ADARB2: variants seen among roughly 807,000 people sequenced by gnomAD.
ADARB2 encodes inactive double-stranded RNA-specific editase B2.
Under a neutral mutation model 62.2 loss-of-function variants are expected in ADARB2, and 25 were observed. The observed-to-expected ratio is 0.40, with a 90% CI of 0.29 to 0.56. The LOEUF is 0.56. ADARB2 is among the 20% of genes least tolerant of loss of function. ADARB2 has a pLI of 0.43. For synonymous variants in ADARB2, 572 were observed against 500.8 expected (o/e 1.14, Z -1.90); for missense variants, 1,071 against 1,077.4 (o/e 0.99, Z 0.08).
At position 1,461,518 on chromosome 10, in the gene ADARB2, T is replaced by A. The variant is rs77302799; in HGVS notation, c.101-82358A>T. 3.4e-3 allele frequency among the ~76,000 whole-genome samples: 411 copies of A among 119,588 alleles called. 1 individual carries two copies. Among genetic ancestry groups the A allele is most frequent in the African/African-American group, 0.013 (372 of 28,372 alleles). The allele number at this position is 119,588 out of a possible 152,430, so 78.5% of individuals were successfully genotyped here. A position where few individuals can be genotyped will look rare whatever the true frequency, so the allele number is the denominator to read the frequency against. On this transcript the variant is annotated intron_variant, in intron 1 of 9. Transcript: ENST00000381312. ...ATTCTTTCCCTGTGCATATATATTT[T>A]TTTTTTTAAAGAAATTTGCCCTGGT...
At chr10:1,494,788 A>G (rs957181801) in intron 1 of ADARB2, among the ~76,000 whole-genome samples, 2 of 152,198 alleles carry the variant, frequency 1.3e-5, no homozygotes, top group Non-Finnish European at 2.9e-5. Context: ...TTGACCTCCC[A>G]AACGTTTACC....
In ADARB2 at chr10:1,182,047, T is replaced by G. The variant is rs1389295288; in HGVS notation, c.*1146A>C. The stretch of plus-strand genomic sequence containing the variant: ...CACAGAATCCTGCCTCTTACATTTT[T>G]TGACAGCTGAACTTTTTTGGGGTCT... On this transcript the variant is annotated 3_prime_UTR_variant, in exon 10 of 10. Transcript: ENST00000381312. The G allele has an allele frequency of 1.3e-5, 2 of 152,234 alleles. No individual in the cohort carries two copies. The highest frequency in any genetic ancestry group is 2.9e-5 in the Non-Finnish European group (2 of 68,054). The allele number at this position is 152,234 out of a possible 1,614,324, so 9.4% of individuals were successfully genotyped here.
chr10:1,349,311 C>T (rs1832111845), intron 3 of ADARB2, among the ~76,000 whole-genome samples: 1 of 152,118 alleles, frequency 6.6e-6, no homozygotes, highest in Non-Finnish European at 1.5e-5. Flanking sequence ...CCCCTACCTC[C>T]CTTCGCTGAC....
intron 1 of ADARB2, among the ~76,000 whole-genome samples, chr10:1,621,547 C>A (rs996209367): frequency 2.0e-5 from 3 of 152,054 alleles, no homozygotes; most frequent in African/African-American, 7.2e-5. Flanking sequence ...TCTGGAATTG[C>A]TGGGACAGCA....
At chr10:1,353,325 G>T (rs972985362) in intron 3 of ADARB2, among the ~76,000 whole-genome samples, 1 of 152,174 alleles carries the variant, frequency 6.6e-6, no homozygotes, top group East Asian at 1.9e-4. Context: ...TCTCCTAGCC[G>T]CTTCTAATCC....
At chr10:1,371,057 C>G (rs543457859) in intron 2 of ADARB2, among the ~76,000 whole-genome samples, 1 of 152,272 alleles carries the variant, frequency 6.6e-6, no homozygotes, top group African/African-American at 2.4e-5. Flanking sequence ...AATTATACTA[C>G]AAGTCTATAG....
intron 1 of ADARB2, among the ~76,000 whole-genome samples, chr10:1,626,305 G>A (rs945118239): frequency 1.4e-4 from 19 of 136,392 alleles, no homozygotes; most frequent in African/African-American, 4.9e-4. Flanking sequence ...GACCTCGGAC[G>A]CTAACCCCAC....
At chr10:1,537,772 T>C (rs1357900578) in intron 1 of ADARB2, among the ~76,000 whole-genome samples, 1 of 151,816 alleles carries the variant, frequency 6.6e-6, no homozygotes, top group African/African-American at 2.4e-5. Flanking sequence ...TGAGAACACA[T>C]GGACACAGGG....
rs186917221 is a variant in ADARB2 at position 1,285,880 on chromosome 10, T to G, written c.1078-14811A>C. 2.5e-3 allele frequency among the ~76,000 whole-genome samples: 383 copies of G among 152,352 alleles called. 2 individuals carry two copies. The highest frequency in any genetic ancestry group is 8.8e-3 in the African/African-American group (366 of 41,588). The stretch of plus-strand genomic sequence containing the variant: ...ACATTCAGCCAAAGTGGTGGGATAC[T>G]AAAATCCATAGATTATAAAGGAGAA... On this transcript the variant is annotated intron_variant, in intron 3 of 9. Transcript: ENST00000381312.
chr10:1,200,306 C>G, intron 7 of ADARB2, 159 bp from the exon 8 acceptor site: 1 of 892,794 alleles, frequency 1.1e-6, no homozygotes, highest in Non-Finnish European at 1.8e-6. Context: ...ACCCAGCCAT[C>G]ACTGGGGCTC....
At chr10:1,666,069 T>C (rs528976823) in intron 1 of ADARB2, among the ~76,000 whole-genome samples, 1 of 148,442 alleles carries the variant, frequency 6.7e-6, no homozygotes, top group African/African-American at 2.5e-5. Flanking sequence ...GAGACCAGCA[T>C]TGGATAGGGT....
intron 1 of ADARB2, among the ~76,000 whole-genome samples, chr10:1,558,924 T>C (rs1371762385): frequency 6.6e-6 from 1 of 152,240 alleles, no homozygotes; most frequent in East Asian, 1.9e-4. Flanking sequence ...TTATGTTCCA[T>C]GAGAACCAAC....
intron 1 of ADARB2, among the ~76,000 whole-genome samples, chr10:1,429,723 A>C (rs1350692226): frequency 6.6e-6 from 1 of 152,220 alleles, no homozygotes; most frequent in African/African-American, 2.4e-5. Flanking sequence ...CATACTTATT[A>C]AGACAGTCAC....
intron 1 of ADARB2, among the ~76,000 whole-genome samples, chr10:1,648,686 T>C (rs900022777): frequency 3.9e-5 from 6 of 152,188 alleles, no homozygotes; most frequent in African/African-American, 1.2e-4. Context: ...TTTTACGGCA[T>C]GTTCAGAAGA....
chr10:1,221,349 G>A (rs975673345), intron 6 of ADARB2, among the ~76,000 whole-genome samples: 1 of 151,404 alleles, frequency 6.6e-6, no homozygotes, highest in African/African-American at 2.4e-5. Flanking sequence ...TAAAACCCTT[G>A]TCTTTTGAGG....
intron 1 of ADARB2, among the ~76,000 whole-genome samples, chr10:1,460,951 C>T (rs1831167674): frequency 6.6e-6 from 1 of 152,058 alleles, no homozygotes; most frequent in African/African-American, 2.4e-5. Flanking sequence ...ACATGGACCC[C>T]TGAACTTAAA....
At chr10:1,300,920 C>A (rs1831566941) in intron 3 of ADARB2, among the ~76,000 whole-genome samples, 1 of 152,190 alleles carries the variant, frequency 6.6e-6, no homozygotes, top group Non-Finnish European at 1.5e-5. Flanking sequence ...ATGTAAGATG[C>A]TGCTGTGATT....
chr10:1,706,520 C>CA (rs1834891883), intron 1 of ADARB2, among the ~76,000 whole-genome samples: 1 of 152,232 alleles, frequency 6.6e-6, no homozygotes, highest in South Asian at 2.1e-4. Context: ...TTCTTCTTCT[C>CA]AAGGCAACAA....
chr10:1,457,787 CTG>C (rs754540590), intron 1 of ADARB2, among the ~76,000 whole-genome samples: 6 of 152,152 alleles, frequency 3.9e-5, no homozygotes, highest in Non-Finnish European at 7.3e-5. Context: ...AGCCCTAAGA[CTG>C]AGTTCTGTGG....
Sources: allele counts gnomAD v4.1 joint callset (sites outside exome capture counted in the v4.1 genomes callset), GRCh38; gene constraint gnomAD v4.1.1; transcripts MANE v1.5; gene names NCBI Gene and HGNC (gene_info 2026-07-23, HGNC 2026-07-21).